Variants in CRACR2A observed in about 807,000 individuals in gnomAD.
CRACR2A encodes the protein EF-hand calcium-binding domain-containing protein 4B.
CRACR2A carries 79 observed loss-of-function variants against 90.5 expected under a neutral mutation model. The observed-to-expected ratio is 0.87, with a 90% CI of 0.73 to 1.05. The LOEUF is 1.05. Among genes scored for constraint, CRACR2A ranks in the 50% least tolerant of loss-of-function variants. The pLI is 0.00. For missense variants in CRACR2A, 823 were observed against 897.2 expected (o/e 0.92, Z 1.06); for synonymous variants, 338 against 356.7 (o/e 0.95, Z 0.59).
At chr12:3,686,109 G>C (rs1307439487) in intron 4 of CRACR2A, among the ~76,000 whole-genome samples, 1 of 152,214 alleles carries the variant, frequency 6.6e-6, no homozygotes, top group Non-Finnish European at 1.5e-5. Flanking sequence ...GGGGTTAAGA[G>C]ACACAAATTC....
chr12:3,627,090 C>G (rs1051446821), intron 17 of CRACR2A, among the ~76,000 whole-genome samples: 24 of 152,180 alleles, frequency 1.6e-4, no homozygotes, highest in African/African-American at 5.3e-4. Context: ...ACTGATTTCT[C>G]CAGGACCCTT....
In CRACR2A at chr12:3,634,169, C is replaced by T. The variant is rs1944420838; in HGVS notation, c.1603-433G>A. ...GGAAGGACAAGGTGGGGCGTTTGCA[C>T]GGAGAAGGAGAGAAGGACGAAAGAA... On this transcript the variant is annotated intron_variant, in intron 14 of 19. Transcript: ENST00000440314. 5.3e-5 allele frequency among the ~76,000 whole-genome samples: 8 copies of T among 152,082 alleles called. No homozygotes were observed. In the South Asian group the frequency reaches 1.7e-3, roughly 32 times the overall value.
At chr12:3,714,121 T>C (rs1946047536) in intron 2 of CRACR2A, among the ~76,000 whole-genome samples, 1 of 152,222 alleles carries the variant, frequency 6.6e-6, no homozygotes, top group Non-Finnish European at 1.5e-5. Flanking sequence ...GCACAATTCA[T>C]GGGAGGCAAA....
intron 19 of CRACR2A, 22 bp downstream of exon 19, chr12:3,616,932 C>T (rs1485727230): frequency 5.2e-6 from 8 of 1,539,506 alleles, no homozygotes; most frequent in African/African-American, 2.7e-5. Flanking sequence ...AGTTACTGCA[C>T]CTGGGGAGCA....
At chr12:3,616,001 T>C (rs919401596) in intron 19 of CRACR2A, among the ~76,000 whole-genome samples, 2 of 152,266 alleles carry the variant, frequency 1.3e-5, no homozygotes, top group Non-Finnish European at 2.9e-5. Flanking sequence ...CTCTTCTCTA[T>C]ACTTTCCAAA....
intron 13 of CRACR2A, 67 bp downstream of exon 13, chr12:3,641,665 T>C (rs1944574452): frequency 7.0e-7 from 1 of 1,418,500 alleles, no homozygotes; most frequent in Non-Finnish European, 9.7e-7. Flanking sequence ...GCACTGAGTA[T>C]GGGCCCAGAG....
At chr12:3,630,310 G>A (rs932302107) in intron 15 of CRACR2A, among the ~76,000 whole-genome samples, 2 of 152,166 alleles carry the variant, frequency 1.3e-5, no homozygotes, top group East Asian at 1.9e-4. Context: ...CTGGGCTGAC[G>A]GTTGCCAGGA....
At chr12:3,643,631 T>C (rs893105843) in intron 12 of CRACR2A, among the ~76,000 whole-genome samples, 1 of 150,204 alleles carries the variant, frequency 6.7e-6, no homozygotes, top group Non-Finnish European at 1.5e-5. Flanking sequence ...TTTTGGCCAA[T>C]GTGGTCCACA....
At chr12:3,748,212 A>G (rs934701789) in intron 1 of CRACR2A, among the ~76,000 whole-genome samples, 3 of 152,092 alleles carry the variant, frequency 2.0e-5, no homozygotes, top group Non-Finnish European at 2.9e-5. Flanking sequence ...GGGCAGCTCT[A>G]TTGTGTGAAT....
chr12:3,636,137 G>A (rs1427912837), intron 14 of CRACR2A, among the ~76,000 whole-genome samples: 1 of 152,006 alleles, frequency 6.6e-6, no homozygotes, highest in African/African-American at 2.4e-5. Flanking sequence ...TCTGATTTTG[G>A]TTATTTCCTT....
At chr12:3,730,145 A>G (rs1352025219) in intron 2 of CRACR2A, 2 of 152,244 alleles carry the variant, frequency 1.3e-5, no homozygotes, top group East Asian at 3.8e-4. Flanking sequence ...TCGCTTTCAT[A>G]TTAAGTCTGC....
intron 3 of CRACR2A, among the ~76,000 whole-genome samples, chr12:3,703,404 G>A (rs562579937): frequency 5.9e-5 from 9 of 152,226 alleles, no homozygotes; most frequent in Admixed American, 1.3e-4. Flanking sequence ...ATTTTAATTC[G>A]CACTTTGTAC....
At chr12:3,656,660 GCACCAC>G (rs1405592665) in intron 8 of CRACR2A, among the ~76,000 whole-genome samples, 1 of 152,158 alleles carries the variant, frequency 6.6e-6, no homozygotes, top group Admixed American at 6.5e-5. Context: ...CAATGACTGT[GCACCAC>G]CACCCTCCTC....
At position 3,624,198 on chromosome 12, in the gene CRACR2A, C is replaced by T. The variant is rs111991665; in HGVS notation, c.1932+3238G>A. Among the ~76,000 whole-genome samples the T allele has an allele frequency of 3.9e-3, 596 of 152,268 alleles. 4 individuals are homozygous for T. Among genetic ancestry groups the T allele is most frequent in the African/African-American group, 0.014 (572 of 41,548 alleles). Reference sequence around the variant, plus strand: ...AAGCCCTTTTTTCTTGTATGCTTTTCAGGTTGAGGGAGGAAGGGGGACTGT... The same window carrying T: ...AAGCCCTTTTTTCTTGTATGCTTTTTAGGTTGAGGGAGGAAGGGGGACTGT... On this transcript the variant is annotated intron_variant, in intron 17 of 19. Coordinates refer to ENST00000440314, the MANE Select transcript of CRACR2A (RefSeq NM_001144958.2).
Position 3,633,545 on chromosome 12 carries a change from T to C in CRACR2A, c.1735+59A>G. 1 of 1,547,476 alleles carries C rather than the reference T, an allele frequency of 6.5e-7. No individual in the cohort carries two copies. Among genetic ancestry groups the C allele is most frequent in the Non-Finnish European group, 8.7e-7 (1 of 1,144,218 alleles). ...TAACGCTCCCTGCCCCGGGCCCCCT[T>C]CTCACAAACTCCCTTCCCAAAGATG... is the stretch of plus-strand genomic sequence containing the variant. On this transcript the variant is annotated intron_variant, in intron 15 of 19. Transcript: ENST00000440314. The surrounding 1 kb of genome is among the most constrained non-coding windows in gnomAD (Gnocchi z 4.5).
intron 1 of CRACR2A, among the ~76,000 whole-genome samples, chr12:3,745,535 A>G (rs1219791457): frequency 6.6e-6 from 1 of 152,020 alleles, no homozygotes; most frequent in African/African-American, 2.4e-5. Context: ...GCACTTTGGG[A>G]GGCCAAGGCA....
At chr12:3,699,975 C>T (rs1945810058) in intron 3 of CRACR2A, among the ~76,000 whole-genome samples, 1 of 151,910 alleles carries the variant, frequency 6.6e-6, no homozygotes, top group Admixed American at 6.6e-5. Context: ...CTGGATTTAC[C>T]CTCCCAATTG....
chr12:3,672,690 A>G, intron 7 of CRACR2A: 1 of 885,598 alleles, frequency 1.1e-6, no homozygotes, highest in Non-Finnish European at 1.4e-6. Context: ...TCATGAAGGG[A>G]CTGGTGTCTA....
At chr12:3,636,241 G>C (rs1171732000) in intron 14 of CRACR2A, among the ~76,000 whole-genome samples, 2 of 152,204 alleles carry the variant, frequency 1.3e-5, no homozygotes, top group African/African-American at 4.8e-5. Flanking sequence ...CAGAAGGGTT[G>C]TACCAATTTA....
Sources: allele counts gnomAD v4.1 joint callset (sites outside exome capture counted in the v4.1 genomes callset), GRCh38; gene constraint gnomAD v4.1.1; non-coding constraint Gnocchi (gnomAD v3.1); transcripts MANE v1.5; gene names NCBI Gene and HGNC (gene_info 2026-07-23, HGNC 2026-07-21).